FAM135B: variants seen among roughly 807,000 people sequenced by gnomAD.
FAM135B encodes protein FAM135B.
In FAM135B, 43 loss-of-function variants were observed where a neutral mutation model predicts 127.7. The ratio of observed to expected loss-of-function variants is 0.34; its 90% CI spans 0.26 to 0.43. The LOEUF is 0.43. Among genes scored for constraint, FAM135B ranks in the 20% least tolerant of loss-of-function variants. FAM135B has a pLI of 1.00. For synonymous variants in FAM135B, 670 were observed against 665.1 expected (o/e 1.01, Z -0.11); for missense variants, 1,558 against 1,725.6 (o/e 0.90, Z 1.72).
chr8:138,167,793 A>T (rs1820071204), intron 12 of FAM135B, 102 bp downstream of exon 12: 2 of 1,322,260 alleles, frequency 1.5e-6, no homozygotes, highest in Non-Finnish European at 2.1e-6. Context: ...ATCCTTCATT[A>T]ATTTGGTCTC....
chr8:138,468,100 T>C (rs1036028845), intron 1 of FAM135B, among the ~76,000 whole-genome samples: 54 of 152,236 alleles, frequency 3.5e-4, no homozygotes, highest in African/African-American at 1.3e-3. Flanking sequence ...CTAGGAACTA[T>C]GGGTATTCAT....
intron 1 of FAM135B, among the ~76,000 whole-genome samples, chr8:138,405,641 C>T (rs1236838444): frequency 3.9e-5 from 6 of 152,098 alleles, no homozygotes; most frequent in Admixed American, 2.0e-4. Flanking sequence ...GGTTCCAAAT[C>T]TTTGCTATTG....
intron 17 of FAM135B, 123 bp from the exon 18 acceptor site, chr8:138,139,219 T>A (rs1411695407): frequency 3.3e-6 from 2 of 601,040 alleles, no homozygotes; most frequent in Non-Finnish European, 3.0e-6. Context: ...AAGAGAGAAG[T>A]AGGCATACTA....
chr8:138,370,021 G>A (rs1205133458), intron 1 of FAM135B, among the ~76,000 whole-genome samples: 1 of 152,136 alleles, frequency 6.6e-6, no homozygotes. Context: ...ACTACACACT[G>A]ATGGGGGTTC....
chr8:138,177,274 G>T, intron 11 of FAM135B, 73 bp downstream of exon 11: 2 of 1,390,624 alleles, frequency 1.4e-6, no homozygotes, highest in South Asian at 1.2e-5. Flanking sequence ...GTGAGAAAGT[G>T]AAGAGTAACT....
chr8:138,339,359 A>C (rs1828867272), intron 2 of FAM135B, among the ~76,000 whole-genome samples: 1 of 1,394 alleles, frequency 7.2e-4, no homozygotes, highest in African/African-American at 7.8e-4. Flanking sequence ...AACTAACTAA[A>C]TATATATATA....
At chr8:138,485,004 A>G (rs1458181412) in intron 1 of FAM135B, among the ~76,000 whole-genome samples, 2 of 152,198 alleles carry the variant, frequency 1.3e-5, no homozygotes, top group Non-Finnish European at 2.9e-5. Context: ...CCACCAATTC[A>G]GTTGCCTTCT....
At position 138,248,366 on chromosome 8, in the gene FAM135B, T is replaced by C. The variant is rs565099507; in HGVS notation, c.542+2475A>G. ...TCTGAGACTTTAATGATGCCAGACT[T>C]GATTTATCTCAGAGCTTCCAGACAT... On this transcript the variant is annotated intron_variant, in intron 6 of 19. Transcript: ENST00000395297. Among the ~76,000 whole-genome samples, 6 of 152,294 alleles carry C rather than the reference T, an allele frequency of 3.9e-5. No individual in the cohort carries two copies. The East Asian group carries it at 1.2e-3, about 29-fold the overall frequency.
intron 7 of FAM135B, among the ~76,000 whole-genome samples, chr8:138,234,743 C>T (rs999901577): frequency 6.6e-6 from 1 of 152,224 alleles, no homozygotes; most frequent in African/African-American, 2.4e-5. Context: ...GGCAGACATG[C>T]TGCTGCAATG....
intron 1 of FAM135B, among the ~76,000 whole-genome samples, chr8:138,432,010 A>T (rs1835215477): frequency 6.6e-6 from 1 of 152,206 alleles, no homozygotes; most frequent in East Asian, 1.9e-4. Flanking sequence ...GTCCTCCCCT[A>T]AACCAGCCAC....
At chr8:138,359,911 G>A (rs529168372) in intron 2 of FAM135B, among the ~76,000 whole-genome samples, 1 of 152,238 alleles carries the variant, frequency 6.6e-6, no homozygotes, top group East Asian at 1.9e-4. Context: ...AGGTGAGTAC[G>A]TTCAAAGGAG....
intron 11 of FAM135B, among the ~76,000 whole-genome samples, chr8:138,169,772 C>T (rs143721022): frequency 4.6e-5 from 7 of 152,008 alleles, no homozygotes; most frequent in African/African-American, 1.4e-4. Context: ...GATTTTAGGT[C>T]GAACAAGCCA....
intron 12 of FAM135B, among the ~76,000 whole-genome samples, chr8:138,163,639 G>C (rs116523561): frequency 2.0e-5 from 3 of 152,030 alleles, no homozygotes; most frequent in Admixed American, 6.6e-5. Flanking sequence ...TAAGACGTGC[G>C]TTTCACCTTC....
At chr8:138,466,116 A>C (rs1837368163) in intron 1 of FAM135B, among the ~76,000 whole-genome samples, 2 of 152,238 alleles carry the variant, frequency 1.3e-5, no homozygotes, top group South Asian at 2.1e-4. Context: ...TTTAGCCTGG[A>C]CAGTATGTTC....
intron 1 of FAM135B, among the ~76,000 whole-genome samples, chr8:138,427,922 T>C (rs1490307996): frequency 6.6e-6 from 1 of 152,174 alleles, no homozygotes; most frequent in African/African-American, 2.4e-5. Context: ...GATGGTTCCA[T>C]CTTCTCAGAA....
At chr8:138,376,880 C>T (rs1831511319) in intron 1 of FAM135B, among the ~76,000 whole-genome samples, 1 of 152,140 alleles carries the variant, frequency 6.6e-6, no homozygotes, top group Non-Finnish European at 1.5e-5. Context: ...AGAACTAGGC[C>T]CCCATCTTAA....
At chr8:138,472,946 G>A (rs1182664675) in intron 1 of FAM135B, among the ~76,000 whole-genome samples, 1 of 152,110 alleles carries the variant, frequency 6.6e-6, no homozygotes, top group East Asian at 1.9e-4. Flanking sequence ...TTATCTGGAG[G>A]TCACATATAA....
chr8:138,332,769 C>T (rs1177834521), intron 2 of FAM135B, among the ~76,000 whole-genome samples: 3 of 152,034 alleles, frequency 2.0e-5, no homozygotes, highest in African/African-American at 7.2e-5. Context: ...CCTAACGCAC[C>T]AGAGAAGAAA....
At chr8:138,137,658 TCTGA>T (rs1441286017) in intron 18 of FAM135B, among the ~76,000 whole-genome samples, 2 of 152,100 alleles carry the variant, frequency 1.3e-5, no homozygotes, top group Non-Finnish European at 2.9e-5. Context: ...GAAAAGTCAG[TCTGA>T]CTATCTTGTT....
Sources: gnomAD v4.1 joint callset for allele counts (sites outside exome capture counted in the v4.1 genomes callset) on GRCh38, gnomAD v4.1.1 for gene constraint, MANE v1.5 for transcripts, NCBI Gene and HGNC (gene_info 2026-07-23, HGNC 2026-07-21) for gene names.